MBD5: variants seen among roughly 807,000 people sequenced by gnomAD.
MBD5 encodes methyl-CpG binding domain protein 5.
Under a neutral mutation model 117.3 loss-of-function variants are expected in MBD5, and 13 were observed. The ratio of observed to expected loss-of-function variants is 0.11; its 90% CI spans 0.07 to 0.18. MBD5 has a LOEUF of 0.18. Among genes scored for constraint, MBD5 ranks in the 10% least tolerant of loss-of-function variants. MBD5 has a pLI of 1.00. For missense variants in MBD5, 1,879 were observed against 2,093.8 expected (o/e 0.90, Z 2.00); for synonymous variants, 727 against 766.4 (o/e 0.95, Z 0.85).
chr2:148,042,617 A>G (rs1420791409), intron 1 of MBD5, among the ~76,000 whole-genome samples: 2 of 152,190 alleles, frequency 1.3e-5, no homozygotes, highest in African/African-American at 4.8e-5. Context: ...AGAGTAAAAT[A>G]AAACTACAAA....
intron 11 of MBD5, among the ~76,000 whole-genome samples, chr2:148,497,206 CTTTAAA>C (rs1681728705): frequency 6.6e-6 from 1 of 151,822 alleles, no homozygotes; most frequent in Non-Finnish European, 1.5e-5. Context: ...TAAATTTTTT[CTTTAAA>C]TTTATCACTT....
At chr2:148,183,521 C>G (rs1189585224) in intron 2 of MBD5, among the ~76,000 whole-genome samples, 1 of 123,516 alleles carries the variant, frequency 8.1e-6, no homozygotes, top group East Asian at 2.5e-4. Flanking sequence ...TCTTTTATTA[C>G]TAAAAAAAAA....
intron 1 of MBD5, among the ~76,000 whole-genome samples, chr2:148,155,210 T>G (rs1697840165): frequency 6.6e-6 from 1 of 152,166 alleles, no homozygotes; most frequent in Non-Finnish European, 1.5e-5. Context: ...AGGGAAGTCA[T>G]CACTGAAAAG....
intron 1 of MBD5, among the ~76,000 whole-genome samples, chr2:148,064,411 G>A (rs1695128631): frequency 6.6e-6 from 1 of 151,174 alleles, no homozygotes; most frequent in Non-Finnish European, 1.5e-5. Context: ...CACCGCGCCC[G>A]GCCCCCACCA....
intron 3 of MBD5, among the ~76,000 whole-genome samples, chr2:148,248,384 A>G (rs1247780133): frequency 6.6e-6 from 1 of 152,180 alleles, no homozygotes; most frequent in Non-Finnish European, 1.5e-5. Flanking sequence ...AAAACAAAAC[A>G]GAACAAAAAA....
chr2:148,463,722 G>T lies in MBD5; in HGVS notation c.217-17G>T, dbSNP rs952743597. ...TTTTTACAGACATATTCTAAACAAA[G>T]GCTGTGCTTTTTCCAGGTATTTAAT... On this transcript the variant is annotated splice_polypyrimidine_tract_variant and intron_variant, in intron 6 of 13. Transcript: ENST00000642680. The T allele has an allele frequency of 1.2e-6, 2 of 1,613,176 alleles. No individual in the cohort carries two copies. The highest frequency in any genetic ancestry group is 1.7e-6 in the Non-Finnish European group (2 of 1,179,408).
intron 1 of MBD5, among the ~76,000 whole-genome samples, chr2:148,100,200 C>T (rs1218837263): frequency 6.6e-6 from 1 of 152,032 alleles, no homozygotes; most frequent in Non-Finnish European, 1.5e-5. Context: ...GAAGAATGTG[C>T]CCCAGGCTGA....
intron 3 of MBD5, among the ~76,000 whole-genome samples, chr2:148,256,540 C>A (rs1700594316): frequency 1.3e-5 from 2 of 152,230 alleles, no homozygotes; most frequent in African/African-American, 4.8e-5. Flanking sequence ...TGGTAGACCA[C>A]CCAGCTATTG....
intron 4 of MBD5, among the ~76,000 whole-genome samples, chr2:148,444,834 C>T (rs1372183914): frequency 1.3e-5 from 2 of 150,928 alleles, no homozygotes; most frequent in Non-Finnish European, 2.9e-5. Context: ...ACAGTAAGCT[C>T]CTTAAGGTGA....
rs140942254 is a variant in MBD5 at position 148,216,584 on chromosome 2, T to C, written c.-830-16661T>C. Among the ~76,000 whole-genome samples, 397 of 152,352 alleles carry C rather than the reference T, an allele frequency of 2.6e-3. 1 individual carries two copies. The highest frequency in any genetic ancestry group is 9.2e-3 in the African/African-American group (382 of 41,576). On this transcript the variant is annotated intron_variant, in intron 2 of 13. Transcript: ENST00000642680. ...ATAATTAATAATGCTTGGCTACTTA[T>C]ATAAAGACAGTGTTGCTTATTTTTC...
At chr2:148,329,592 A>G (rs1702577865) in intron 3 of MBD5, among the ~76,000 whole-genome samples, 2 of 152,180 alleles carry the variant, frequency 1.3e-5, no homozygotes, top group Admixed American at 6.5e-5. Context: ...AAGGGTTCAA[A>G]TAGGTTTATG....
chr2:148,423,917 G>A (rs1287675798), intron 4 of MBD5, among the ~76,000 whole-genome samples: 2 of 152,078 alleles, frequency 1.3e-5, no homozygotes, highest in East Asian at 1.9e-4. Context: ...GGTGGCTCAC[G>A]CCTGTAATCC....
chr2:148,410,650 T>C (rs1038951346), intron 4 of MBD5, among the ~76,000 whole-genome samples: 23 of 152,136 alleles, frequency 1.5e-4, no homozygotes, highest in African/African-American at 4.6e-4. Flanking sequence ...AGGCTGGTCT[T>C]GAACTCCTGA....
chr2:148,368,865 G>A (rs1193545382), intron 4 of MBD5, among the ~76,000 whole-genome samples: 1 of 152,140 alleles, frequency 6.6e-6, no homozygotes, highest in East Asian at 1.9e-4. Flanking sequence ...AAATTAGCGA[G>A]TAAAATTTTA....
At chr2:148,415,788 G>A (rs928012828) in intron 4 of MBD5, among the ~76,000 whole-genome samples, 3 of 152,222 alleles carry the variant, frequency 2.0e-5, no homozygotes, top group Non-Finnish European at 2.9e-5. Flanking sequence ...TAAAATTCTT[G>A]TAGTGTGTTT....
At chr2:148,315,196 A>G (rs1465787761) in intron 3 of MBD5, among the ~76,000 whole-genome samples, 1 of 152,174 alleles carries the variant, frequency 6.6e-6, no homozygotes, top group African/African-American at 2.4e-5. Flanking sequence ...TCCTGCTGCT[A>G]CATTAGTATA....
Position 148,490,022 on chromosome 2 carries a change from C to A in MBD5, c.4390C>A (p.Pro1464Thr), listed in dbSNP as rs1459065101. ...HIHSSPCHER[P>T]NNVSTLPFLP... ...CCACAGTAGTCCTTGTCATGAAAGGCCCAACAATGTCTCTACACTGCCATT... is the reference window on the plus strand; with the variant it reads ...CCACAGTAGTCCTTGTCATGAAAGGACCAACAATGTCTCTACACTGCCATT... Residue 1464 changes from proline (P) to threonine (T), a missense_variant, in exon 11 of 14, where the codon CCC becomes ACC. Pro to Thr is a conservative substitution (Grantham distance 38). This residue lies in a region of MBD5 where 1,666 missense variants were observed against 1,792.2 expected (regional missense o/e 0.93). Transcript: ENST00000642680. 4.3e-6 allele frequency: 7 copies of A among 1,613,844 alleles called. No individual in the cohort carries two copies. Among genetic ancestry groups the A allele is most frequent in the Non-Finnish European group, 5.9e-6 (7 of 1,179,970 alleles).
At chr2:148,195,140 G>C (rs182872012) in intron 2 of MBD5, among the ~76,000 whole-genome samples, 2 of 147,030 alleles carry the variant, frequency 1.4e-5, no homozygotes, top group East Asian at 3.9e-4. Context: ...AGATATAGGG[G>C]GTAGACTCCT....
chr2:148,043,452 C>CAAATAAATAAAG (rs143462416), intron 1 of MBD5, among the ~76,000 whole-genome samples: 4 of 142,854 alleles, frequency 2.8e-5, no homozygotes, highest in African/African-American at 1.0e-4. Context: ...GACTCCTTCT[C>CAAATAAATAAAG]AAATAAATAA....
Sources: gnomAD v4.1 joint callset for allele counts (sites outside exome capture counted in the v4.1 genomes callset) on GRCh38, gnomAD v4.1.1 for gene constraint, gnomAD v4.1.1 regional missense constraint, MANE v1.5 for transcripts, NCBI Gene and HGNC (gene_info 2026-07-23, HGNC 2026-07-21) for gene names.